Variants in LCP1 observed in about 807,000 individuals in gnomAD.
The protein encoded by LCP1 is lymphocyte cytosolic protein 1.
In LCP1, 23 loss-of-function variants were observed where a neutral mutation model predicts 72.0. The ratio of observed to expected loss-of-function variants is 0.32; its 90% CI spans 0.23 to 0.45. The LOEUF is 0.45. Ranked by LOEUF, LCP1 falls within the 20% of genes least tolerant of loss-of-function variation. LCP1 has a pLI of 1.00. For synonymous variants in LCP1, 245 were observed against 275.4 expected (o/e 0.89, Z 1.09); for missense variants, 571 against 748.3 (o/e 0.76, Z 2.76).
intron 1 of LCP1, among the ~76,000 whole-genome samples, chr13:46,171,818 C>G (rs977386141): frequency 1.3e-5 from 2 of 152,244 alleles, no homozygotes; most frequent in African/African-American, 4.8e-5. Context: ...CAATGGTGTG[C>G]GTCCAATTAT....
intron 1 of LCP1, among the ~76,000 whole-genome samples, chr13:46,170,192 C>T (rs760177809): frequency 2.6e-5 from 4 of 152,228 alleles, no homozygotes; most frequent in Non-Finnish European, 5.9e-5. Flanking sequence ...ATCCCATCCA[C>T]TGAAAGGTAC....
At chr13:46,152,553 T>C (rs1019942254) in intron 7 of LCP1, among the ~76,000 whole-genome samples, 6 of 152,222 alleles carry the variant, frequency 3.9e-5, no homozygotes, top group African/African-American at 1.4e-4. Context: ...CTGAGCCCTA[T>C]GCTCCAAACA....
At position 46,127,471 on chromosome 13, in the gene LCP1, T is replaced by C; in HGVS notation, c.*120A>G. ...CTACTTGGCTGCACTAATATGTGCT[T>C]TTTGGAATCTTATAGAGTGTCACCA... On this transcript the variant is annotated 3_prime_UTR_variant, in exon 16 of 16. Coordinates refer to ENST00000323076, the MANE Select transcript of LCP1 (RefSeq NM_002298.5). The C allele has an allele frequency of 1.5e-6, 2 of 1,319,984 alleles. No individual in the cohort carries two copies. The highest frequency in any genetic ancestry group is 1.4e-5 in the South Asian group (1 of 70,870). 81.8% of individuals were successfully genotyped at this position (1,319,984 alleles called of 1,614,324 possible).
In LCP1 at chr13:46,155,281, T is replaced by A. The variant is rs868229652; in HGVS notation, c.492-395A>T. ...TGTCTACAAAATTCTGAGCTTATTA[T>A]TGTCTACATTTCTATTTGACACAGG... On this transcript the variant is annotated intron_variant, in intron 5 of 15. Transcript: ENST00000323076. Among the ~76,000 whole-genome samples, 1,121 of 152,322 alleles carry A rather than the reference T, an allele frequency of 7.4e-3. 9 individuals carry two copies. The highest frequency in any genetic ancestry group is 0.025 in the African/African-American group (1,027 of 41,554).
Position 46,127,444 on chromosome 13 carries a change from G to C in LCP1, c.*147C>G. On this transcript the variant is annotated 3_prime_UTR_variant, in exon 16 of 16. Coordinates refer to ENST00000323076, the MANE Select transcript of LCP1 (RefSeq NM_002298.5). ...AGCACTTTTTGTTAAATACAGGAGA[G>C]GCTACTTGGCTGCACTAATATGTGC... 2.2e-6 allele frequency: 2 copies of C among 914,184 alleles called. No homozygotes were observed. Among genetic ancestry groups the C allele is most frequent in the African/African-American group, 3.3e-5 (2 of 60,184 alleles). The allele number at this position is 914,184 out of a possible 1,614,324, so 56.6% of individuals were successfully genotyped here.
At chr13:46,145,846 T>C (rs2045726837) in intron 10 of LCP1, among the ~76,000 whole-genome samples, 1 of 69,648 alleles carries the variant, frequency 1.4e-5, no homozygotes, top group Admixed American at 2.1e-4. Context: ...GAGGCGGAGC[T>C]TGCAGTGAGC....
chr13:46,132,567 C>T (rs1412589891), intron 14 of LCP1, among the ~76,000 whole-genome samples: 1 of 152,192 alleles, frequency 6.6e-6, no homozygotes. Context: ...CCCTGGTAGC[C>T]AGAGCCCATT....
intron 1 of LCP1, among the ~76,000 whole-genome samples, chr13:46,164,574 C>T (rs1394116348): frequency 1.3e-5 from 2 of 152,126 alleles, no homozygotes; most frequent in Admixed American, 1.3e-4. Context: ...AGTGATTTAA[C>T]AGCAAATGCA....
intron 5 of LCP1, 32 bp from the exon 6 acceptor site, chr13:46,154,918 A>C (rs950405632): frequency 1.9e-6 from 3 of 1,550,154 alleles, no homozygotes; most frequent in African/African-American, 2.7e-5. Context: ...TAAAGAAAGC[A>C]GTCTTCTGAA....
chr13:46,141,839 T>G (rs1258661626), intron 13 of LCP1, among the ~76,000 whole-genome samples: 9 of 151,960 alleles, frequency 5.9e-5, no homozygotes, highest in Admixed American at 4.6e-4. Flanking sequence ...CCCCTTTATT[T>G]AAAAAGTCCC....
At chr13:46,163,023 C>T (rs1487931544) in intron 1 of LCP1, among the ~76,000 whole-genome samples, 1 of 146,322 alleles carries the variant, frequency 6.8e-6, no homozygotes, top group Non-Finnish European at 1.5e-5. Flanking sequence ...GGGGGGCAGC[C>T]CCCGCCCGGC....
rs181898488 is a variant in LCP1 at position 46,170,583 on chromosome 13, T to C, written c.-24-10897A>G. On this transcript the variant is annotated intron_variant, in intron 1 of 15. Transcript: ENST00000323076. The stretch of plus-strand genomic sequence containing the variant: ...GGCAAACCCACCTGGGATGCACATA[T>C]GCGGTGTACCAAGGAGCAAGCTGGA... Among the ~76,000 whole-genome samples the C allele has an allele frequency of 9.6e-3, 1,460 of 152,338 alleles. 24 individuals are homozygous for C. Among genetic ancestry groups the C allele is most frequent in the African/African-American group, 0.032 (1,348 of 41,568 alleles).
intron 6 of LCP1, among the ~76,000 whole-genome samples, chr13:46,153,753 CTG>C (rs57039489): frequency 0.011 from 1,668 of 151,628 alleles, 29 homozygotes; most frequent in East Asian, 0.083. Context: ...ATTAAAATTC[CTG>C]GAAAAGATGG....
At chr13:46,139,098 T>G (rs1403246784) in intron 13 of LCP1, among the ~76,000 whole-genome samples, 2 of 152,204 alleles carry the variant, frequency 1.3e-5, no homozygotes, top group Admixed American at 6.5e-5. Flanking sequence ...ATTTAAAACT[T>G]GTGGAAGATA....
At chr13:46,176,900 T>A (rs113043314) in intron 1 of LCP1, among the ~76,000 whole-genome samples, 46 of 139,662 alleles carry the variant, frequency 3.3e-4, no homozygotes, top group Admixed American at 1.4e-3. Context: ...TGTGTGTGTG[T>A]GTGAGAGAGC....
chr13:46,147,432 A>G (rs900347936), intron 9 of LCP1, among the ~76,000 whole-genome samples: 3 of 152,340 alleles, frequency 2.0e-5, no homozygotes, highest in African/African-American at 7.2e-5. Context: ...TCCAACCATT[A>G]AGATTCCTTT....
chr13:46,141,558 C>T (rs922123341), intron 13 of LCP1, among the ~76,000 whole-genome samples: 1 of 151,560 alleles, frequency 6.6e-6, no homozygotes, highest in African/African-American at 2.4e-5. Flanking sequence ...CCCTTGGAAA[C>T]AATGTGGGCC....
chr13:46,128,884 T>TACTATGGTTACACCAGAC (rs11275625), intron 15 of LCP1, among the ~76,000 whole-genome samples: 95,960 of 150,990 alleles, frequency 0.64, 31,799 homozygotes, highest in South Asian at 0.91. Context: ...AGTGACCTCT[T>TACTATGGTTACACCAGAC]ACTATGGTTA....
chr13:46,151,778 T>C (rs1229168112), intron 7 of LCP1, among the ~76,000 whole-genome samples: 1 of 152,234 alleles, frequency 6.6e-6, no homozygotes, highest in Non-Finnish European at 1.5e-5. Context: ...TAAAAAAGTA[T>C]GTATAACTAA....
Sources: allele counts gnomAD v4.1 joint callset (sites outside exome capture counted in the v4.1 genomes callset), GRCh38; gene constraint gnomAD v4.1.1; transcripts MANE v1.5; gene names NCBI Gene and HGNC (gene_info 2026-07-23, HGNC 2026-07-21).